The following KIF5A variants were observed in gnomAD, a reference collection of about 807,000 sequenced individuals.
KIF5A encodes the protein kinesin heavy chain isoform 5A.
A neutral mutation model predicts 141.3 loss-of-function variants in KIF5A; 35 were observed. The ratio of observed to expected loss-of-function variants is 0.25; its 90% confidence interval spans 0.19 to 0.33. The LOEUF (loss-of-function observed/expected upper bound fraction) is 0.33. KIF5A is among the 10% of genes least tolerant of loss of function. The probability of loss-of-function intolerance (pLI) is 1.00; values close to 1 mark genes in which losing one functional copy is unlikely to be tolerated. For synonymous variants in KIF5A, 448 were observed against 500.2 expected, an observed-to-expected ratio of 0.90 and a Z score of 1.39; for missense variants, 861 against 1,314.3, an observed-to-expected ratio of 0.66 and a Z score of 5.33.
chr12:57,564,796 G>A, intron 5 of KIF5A, 122 bp from the exon 6 acceptor site: 1 of 961,330 alleles, frequency 1.0e-6, no homozygotes. Flanking sequence ...AGGGAGTTTA[G>A]GCTTCACAGG....
At chr12:57,571,806 A>G (rs1010628727) in intron 13 of KIF5A, among the ~76,000 whole-genome samples, 1 of 151,974 alleles carries the variant, frequency 6.6e-6, no homozygotes, top group Non-Finnish European at 1.5e-5. Flanking sequence ...CAATGTGCCC[A>G]CCTAGGCCTC....
At chr12:57,570,685 T>C (rs1174218488) in intron 12 of KIF5A, among the ~76,000 whole-genome samples, 2 of 152,220 alleles carry the variant, frequency 1.3e-5, no homozygotes, top group East Asian at 1.9e-4. Flanking sequence ...GTGCCCGGCC[T>C]GTATATGTAA....
chr12:57,555,543 A>G (rs1332883199), intron 1 of KIF5A, among the ~76,000 whole-genome samples: 1 of 151,894 alleles, frequency 6.6e-6, no homozygotes, highest in Non-Finnish European at 1.5e-5. Flanking sequence ...GTGAGCCGAG[A>G]TCTTGCCACT....
At chr12:57,581,319 C>T (rs780354001) in intron 24 of KIF5A, 96 bp from the exon 25 acceptor site, 15 of 1,564,514 alleles carry the variant, frequency 9.6e-6, no homozygotes, top group Non-Finnish European at 1.3e-5. Flanking sequence ...GATTATGTTA[C>T]AAGCAACTCA....
chr12:57,570,230 C>A, intron 12 of KIF5A, 68 bp downstream of exon 12: 5 of 1,442,294 alleles, frequency 3.5e-6, no homozygotes, highest in Non-Finnish European at 4.8e-6. Flanking sequence ...CAAAGAAAAT[C>A]GCTTATATTG....
intron 12 of KIF5A, among the ~76,000 whole-genome samples, chr12:57,571,110 A>AT (rs1333032262): frequency 6.6e-6 from 1 of 151,856 alleles, no homozygotes; most frequent in Non-Finnish European, 1.5e-5. Context: ...AATATTTTAA[A>AT]TTTTTTGTAG....
chr12:57,551,184 C>T (rs779969299), intron 1 of KIF5A, among the ~76,000 whole-genome samples: 3 of 152,168 alleles, frequency 2.0e-5, no homozygotes, highest in Non-Finnish European at 4.4e-5. Flanking sequence ...AGCTCTACCT[C>T]ATCATGACAG....
chr12:57,583,027 C>A, intron 27 of KIF5A, 74 bp from the exon 28 acceptor site: 1 of 1,229,996 alleles, frequency 8.1e-7, no homozygotes, highest in Non-Finnish European at 1.2e-6. Flanking sequence ...GGGACACTCT[C>A]AGAGCAGAGT....
chr12:57,574,557 C>T (rs1882362039), intron 15 of KIF5A, among the ~76,000 whole-genome samples: 1 of 144,370 alleles, frequency 6.9e-6, no homozygotes, highest in African/African-American at 2.6e-5. Flanking sequence ...CAGGCGTGAG[C>T]CACCGAGCCC....
rs138919700 is a variant in KIF5A at position 57,581,502 on chromosome 12, A to G, written c.2843A>G (p.Asn948Ser). The G allele has an allele frequency of 8.1e-6, 13 of 1,614,034 alleles. No homozygotes were observed. The highest frequency in any genetic ancestry group is 1.1e-5 in the Non-Finnish European group (13 of 1,179,998). ...AGCCCTGAGTGCATCAGTTACACCAACAGCCTCTTCCAGAACTACCAGAAT... is the reference window on the plus strand; with the variant it reads ...AGCCCTGAGTGCATCAGTTACACCAGCAGCCTCTTCCAGAACTACCAGAAT... ...TRSPECISYT[N>S]SLFQNYQNLY... The change falls in exon 25 of 29, where the codon AAC becomes AGC. Residue 948 changes from asparagine (N) to serine (S), a missense_variant. Physicochemically the swap from Asn to Ser is conservative, Grantham distance 46 (BLOSUM62 1). Coordinates refer to ENST00000455537, the MANE Select transcript of KIF5A (RefSeq NM_004984.4).
intron 28 of KIF5A, 42 bp downstream of exon 28, chr12:57,583,257 C>CCTTGCTTA: frequency 6.5e-6 from 8 of 1,221,518 alleles, no homozygotes; most frequent in Non-Finnish European, 8.3e-6. Context: ...CAGGTTGCTT[C>CCTTGCTTA]CCTTCTTGCT....
At chr12:57,557,576 C>G (rs1357584580) in intron 1 of KIF5A, among the ~76,000 whole-genome samples, 1 of 151,936 alleles carries the variant, frequency 6.6e-6, no homozygotes, top group Non-Finnish European at 1.5e-5. Context: ...TACATATATA[C>G]ATATGTTAAT....
intron 1 of KIF5A, among the ~76,000 whole-genome samples, chr12:57,562,042 G>T (rs1881922707): frequency 1.3e-5 from 2 of 152,178 alleles, no homozygotes; most frequent in South Asian, 2.1e-4. Flanking sequence ...AACAAGCATT[G>T]TCTCATTTAC....
At chr12:57,568,463 C>T (rs2095718774) in intron 8 of KIF5A, among the ~76,000 whole-genome samples, 11 of 152,086 alleles carry the variant, frequency 7.2e-5, no homozygotes, top group Admixed American at 7.2e-4. Context: ...CGGTGGCTCA[C>T]ACCTGTAATC....
chr12:57,571,920 C>T, intron 13 of KIF5A, 141 bp from the exon 14 acceptor site: 2 of 731,090 alleles, frequency 2.7e-6, no homozygotes, highest in Non-Finnish European at 4.8e-6. Context: ...CATTCTGTTG[C>T]CCTATTTCTA....
intron 20 of KIF5A, 55 bp from the exon 21 acceptor site, chr12:57,577,658 G>A (rs1882468275): frequency 7.7e-7 from 1 of 1,306,662 alleles, no homozygotes; most frequent in Non-Finnish European, 1.1e-6. Context: ...GGAAGAGGCA[G>A]GAGGAAGGAG....
chr12:57,581,112 C>A lies in KIF5A; in HGVS notation c.2695C>A (p.Arg899Ser). The A allele has an allele frequency of 6.2e-7, 1 of 1,614,126 alleles. No individual in the cohort carries two copies. The highest frequency in any genetic ancestry group is 8.5e-7 in the Non-Finnish European group (1 of 1,180,024). Residue 899 changes from arginine to serine, a missense_variant, in exon 24 of 29, where the codon CGC becomes AGC. Physicochemically the swap from Arg to Ser is moderately radical, Grantham distance 110. Coordinates refer to ENST00000455537, the MANE Select transcript of KIF5A (RefSeq NM_004984.4). ...GCGCCGGTACCAGCAGGAGGTGGAC[C>A]GCATCAAGGAGGCCGTTCGCTACAA... Reference protein sequence around the residue: ...DKRRYQQEVDRIKEAVRYKSS... With the variant: ...DKRRYQQEVDSIKEAVRYKSS...
At chr12:57,579,267 A>G (rs143585283) in intron 23 of KIF5A, among the ~76,000 whole-genome samples, 8 of 152,266 alleles carry the variant, frequency 5.3e-5, no homozygotes, top group Non-Finnish European at 2.9e-5. Flanking sequence ...TGTTTGGTGC[A>G]TGCTGGGTAG....
At chr12:57,564,563 G>A (rs1270216526) in intron 5 of KIF5A, 55 bp downstream of exon 5, 4 of 1,343,048 alleles carry the variant, frequency 3.0e-6, no homozygotes, top group Non-Finnish European at 4.3e-6. Flanking sequence ...AGAAAAGAAA[G>A]CTCACATTGC....
Sources: gnomAD v4.1 joint callset for allele counts (sites outside exome capture counted in the v4.1 genomes callset) on GRCh38, gnomAD v4.1.1 for gene constraint, MANE v1.5 for transcripts, NCBI Gene and HGNC (gene_info 2026-07-23, HGNC 2026-07-21) for gene names.